The following IL1RAPL1 variants were observed in gnomAD, a reference collection of about 807,000 sequenced individuals.
The protein encoded by IL1RAPL1 is interleukin 1 receptor accessory protein like 1.
Under a neutral mutation model 48.4 loss-of-function variants are expected in IL1RAPL1, and 3 were observed. That is an observed-to-expected ratio of 0.06 (90% CI 0.03 to 0.16). The LOEUF (loss-of-function observed/expected upper bound fraction) is 0.16, where lower values mean the gene tolerates loss of function less well. Ranked by LOEUF, IL1RAPL1 falls within the 10% of genes least tolerant of loss-of-function variation. IL1RAPL1 has a pLI of 1.00. For missense variants in IL1RAPL1, 349 were observed against 530.6 expected, an observed-to-expected ratio of 0.66 and a Z score of 3.36; for synonymous variants, 185 against 187.7, an observed-to-expected ratio of 0.99 and a Z score of 0.12.
chrX:29,266,421 A>G (rs765769242), intron 2 of IL1RAPL1, among the ~76,000 whole-genome samples: 2 of 111,901 alleles, frequency 1.8e-5, no homozygotes, highest in South Asian at 7.5e-4. Context: ...ATGACCTGAC[A>G]GGTTGAGGTA....
chrX:29,955,072 C>A, intron 10 of IL1RAPL1, 30 bp from the exon 11 acceptor site: 1 of 1,147,412 alleles, frequency 8.7e-7, no homozygotes, highest in South Asian at 1.8e-5. Context: ...TCCATTCACT[C>A]ATTTTGATGC....
chrX:29,551,569 T>C (rs1921817660), intron 5 of IL1RAPL1, among the ~76,000 whole-genome samples: 1 of 111,918 alleles, frequency 8.9e-6, no homozygotes, highest in South Asian at 3.7e-4. Flanking sequence ...ATTTGCTTTA[T>C]TTAATTTTCT....
At chrX:29,921,339 T>C (rs374020287) in intron 8 of IL1RAPL1, among the ~76,000 whole-genome samples, 1 of 112,233 alleles carries the variant, frequency 8.9e-6, no homozygotes, top group Non-Finnish European at 1.9e-5. Flanking sequence ...CTCTTTGAGG[T>C]TTGAAAAGAA....
intron 2 of IL1RAPL1, among the ~76,000 whole-genome samples, chrX:29,126,879 G>A (rs1928909362): frequency 9.0e-6 from 1 of 111,702 alleles, no homozygotes; most frequent in Admixed American, 9.5e-5. Context: ...CAAATATCCA[G>A]CAAGTTGTAA....
At chrX:28,775,455 GT>G (rs1489087713) in intron 1 of IL1RAPL1, among the ~76,000 whole-genome samples, 1 of 111,939 alleles carries the variant, frequency 8.9e-6, no homozygotes, top group Non-Finnish European at 1.9e-5. Flanking sequence ...TAAGGATACA[GT>G]AATTGGATTT....
intron 2 of IL1RAPL1, among the ~76,000 whole-genome samples, chrX:28,875,921 A>G (rs1922360588): frequency 9.0e-6 from 1 of 111,399 alleles, no homozygotes. Context: ...GGTGAGACCC[A>G]AGCATCTATA....
At chrX:29,184,896 C>T (rs1207522368) in intron 2 of IL1RAPL1, among the ~76,000 whole-genome samples, 2 of 112,148 alleles carry the variant, frequency 1.8e-5, no homozygotes, top group African/African-American at 6.5e-5. Flanking sequence ...ATAATGTTCT[C>T]AAGTCAAAAC....
intron 1 of IL1RAPL1, among the ~76,000 whole-genome samples, chrX:28,725,603 A>G (rs1407689727): frequency 8.9e-6 from 1 of 112,203 alleles, no homozygotes; most frequent in Non-Finnish European, 1.9e-5. Flanking sequence ...ATACAATTTT[A>G]AAACGTAATT....
At chrX:29,005,034 G>A (rs748603754) in intron 2 of IL1RAPL1, among the ~76,000 whole-genome samples, 74 of 111,790 alleles carry the variant, frequency 6.6e-4, no homozygotes, top group Middle Eastern at 4.6e-3. Context: ...TATAAATAGT[G>A]CATTGAACTA....
intron 3 of IL1RAPL1, chrX:29,369,616 C>A (rs1933516311): frequency 9.0e-6 from 1 of 111,418 alleles, no homozygotes; most frequent in African/African-American, 3.3e-5. Flanking sequence ...GGGAAACTGA[C>A]CCCATGATTC....
intron 2 of IL1RAPL1, among the ~76,000 whole-genome samples, chrX:29,249,048 G>T (rs908414606): frequency 9.0e-6 from 1 of 111,373 alleles, no homozygotes; most frequent in Non-Finnish European, 1.9e-5. Context: ...CGAAACAACG[G>T]TTATAGTACG....
At chrX:29,681,742 T>G (rs1376973563) in intron 6 of IL1RAPL1, among the ~76,000 whole-genome samples, 1 of 112,085 alleles carries the variant, frequency 8.9e-6, no homozygotes, top group Non-Finnish European at 1.9e-5. Context: ...CTTTCATGAA[T>G]GTAATGCAGT....
At chrX:29,245,276 T>G (rs1157474563) in intron 2 of IL1RAPL1, among the ~76,000 whole-genome samples, 1 of 111,490 alleles carries the variant, frequency 9.0e-6, no homozygotes, top group African/African-American at 3.3e-5. Flanking sequence ...TTTATAATCC[T>G]CTGGGTATAT....
At chrX:29,360,136 T>C (rs1447853265) in intron 3 of IL1RAPL1, among the ~76,000 whole-genome samples, 1 of 112,332 alleles carries the variant, frequency 8.9e-6, no homozygotes, top group Admixed American at 9.5e-5. Flanking sequence ...ACGCTGATTA[T>C]GTGCTAGGCA....
intron 1 of IL1RAPL1, among the ~76,000 whole-genome samples, chrX:28,606,337 G>A (rs1934082490): frequency 8.9e-6 from 1 of 111,974 alleles, no homozygotes; most frequent in Admixed American, 9.5e-5. Context: ...ATAAATGGTC[G>A]CCATTATGAA....
chrX:29,105,336 C>T (rs770290793), intron 2 of IL1RAPL1, among the ~76,000 whole-genome samples: 2 of 111,628 alleles, frequency 1.8e-5, no homozygotes, highest in East Asian at 5.6e-4. Flanking sequence ...ATCCCTCTTA[C>T]CCAGTATTTT....
At position 29,399,170 on chromosome X, in the gene IL1RAPL1, A is replaced by G. The variant is rs370874667; in HGVS notation, c.565A>G (p.Thr189Ala). ...CTTCATATAGGAATGCAGGACAAAAACATGGAGGCCAAGTATTGTATTCAA... is the reference window on the plus strand; with the variant it reads ...CTTCATATAGGAATGCAGGACAAAAGCATGGAGGCCAAGTATTGTATTCAA... ...ILWYKECRTK[T>A]WRPSIVFKRD... Residue 189 changes from threonine to alanine, a missense_variant, in exon 5 of 11, where the codon ACA becomes GCA. Thr to Ala is a moderately conservative substitution (Grantham distance 58, BLOSUM62 0). Transcript: ENST00000378993. The G allele has an allele frequency of 4.2e-6, 5 of 1,204,205 alleles. No individual in the cohort carries two copies. In the African/African-American group the frequency reaches 5.2e-5, roughly 13 times the overall value.
chrX:28,595,318 AT>A (rs1457305261), intron 1 of IL1RAPL1, among the ~76,000 whole-genome samples: 2 of 112,656 alleles, frequency 1.8e-5, no homozygotes, highest in African/African-American at 6.4e-5. Flanking sequence ...CACATACATG[AT>A]TTTTGTTGAA....
chrX:29,623,103 C>T lies in IL1RAPL1; in HGVS notation c.704-45327C>T, dbSNP rs190388724. On this transcript the variant is annotated intron_variant, in intron 5 of 10. Transcript: ENST00000378993. ...GGCTAACATGGCGAAACCCTGTCTC[C>T]ACTAAAAAAAAAAAAAAAAAATGCA... Among the ~76,000 whole-genome samples, 71 of 98,090 alleles carry T rather than the reference C, an allele frequency of 7.2e-4. 1 individual carries two copies. Among genetic ancestry groups the T allele is most frequent in the African/African-American group, 2.6e-3 (68 of 25,677 alleles). 85.2% of individuals were successfully genotyped at this position (98,090 alleles called of 115,157 possible).
Sources: gnomAD v4.1 joint callset for allele counts (sites outside exome capture counted in the v4.1 genomes callset) on GRCh38, gnomAD v4.1.1 for gene constraint, MANE v1.5 for transcripts, NCBI Gene and HGNC (gene_info 2026-07-23, HGNC 2026-07-21) for gene names.